Variants in ST3GAL3 observed in about 807,000 individuals in gnomAD.
The protein encoded by ST3GAL3 is CMP-N-acetylneuraminate-beta-1,4-galactoside alpha-2,3-sialyltransferase.
In ST3GAL3, 21 loss-of-function variants were observed where a neutral mutation model predicts 50.1. The ratio of observed to expected loss-of-function variants is 0.42; its 90% CI spans 0.30 to 0.60. The LOEUF is 0.60. Among genes scored for constraint, ST3GAL3 ranks in the 20% least tolerant of loss-of-function variants. ST3GAL3 has a pLI of 0.19. For synonymous variants in ST3GAL3, 183 were observed against 190.0 expected (o/e 0.96, Z 0.30); for missense variants, 353 against 489.4 (o/e 0.72, Z 2.63).
intron 9 of ST3GAL3, among the ~76,000 whole-genome samples, chr1:43,905,689 T>C (rs866865046): frequency 1.0e-3 from 11 of 10,736 alleles, no homozygotes; most frequent in East Asian, 4.6e-3. Context: ...TCCCCCTCCT[T>C]CTGCCCCCCT....
chr1:43,711,636 G>A (rs1664827195), intron 1 of ST3GAL3, among the ~76,000 whole-genome samples: 1 of 152,206 alleles, frequency 6.6e-6, no homozygotes, highest in South Asian at 2.1e-4. Flanking sequence ...GGTAATGGTA[G>A]ATTCAGAGTC....
At chr1:43,722,342 G>A (rs1484653417) in intron 1 of ST3GAL3, among the ~76,000 whole-genome samples, 1 of 152,184 alleles carries the variant, frequency 6.6e-6, no homozygotes, top group Non-Finnish European at 1.5e-5. Context: ...GAAGCTCCAT[G>A]TTGCAGGCTC....
chr1:43,782,758 G>T (rs138657233), intron 2 of ST3GAL3, among the ~76,000 whole-genome samples: 179 of 152,172 alleles, frequency 1.2e-3, no homozygotes, highest in African/African-American at 4.2e-3. Flanking sequence ...CTTATGAGGT[G>T]GGTTCTATTA....
At chr1:43,805,874 T>A (rs1328059696) in intron 3 of ST3GAL3, among the ~76,000 whole-genome samples, 1 of 152,168 alleles carries the variant, frequency 6.6e-6, no homozygotes, top group African/African-American at 2.4e-5. Flanking sequence ...TAGCTGGGAT[T>A]ACAGGCACGC....
intron 3 of ST3GAL3, among the ~76,000 whole-genome samples, chr1:43,795,949 C>A (rs1317265024): frequency 6.6e-6 from 1 of 152,178 alleles, no homozygotes; most frequent in Non-Finnish European, 1.5e-5. Flanking sequence ...CACCAAGGCA[C>A]AAACAGCTTC....
chr1:43,894,202 C>A, intron 5 of ST3GAL3, 181 bp from the exon 6 acceptor site: 1 of 673,142 alleles, frequency 1.5e-6, no homozygotes, highest in Non-Finnish European at 2.7e-6. Flanking sequence ...TCAGGCTCCA[C>A]TGAACAAGAT....
intron 2 of ST3GAL3, among the ~76,000 whole-genome samples, chr1:43,780,739 T>C (rs1460242006): frequency 1.3e-5 from 2 of 152,110 alleles, no homozygotes; most frequent in Non-Finnish European, 2.9e-5. Context: ...CCTCACCAAA[T>C]ATATTTTTTA....
intron 2 of ST3GAL3, among the ~76,000 whole-genome samples, chr1:43,761,950 C>CA (rs67747915): frequency 0.048 from 3,260 of 68,624 alleles, 208 homozygotes; most frequent in African/African-American, 0.081. Context: ...CACTCTGTCT[C>CA]AAAAAAAAAA....
intron 2 of ST3GAL3, among the ~76,000 whole-genome samples, chr1:43,777,902 A>G (rs1320485987): frequency 1.3e-5 from 2 of 152,218 alleles, no homozygotes; most frequent in Non-Finnish European, 2.9e-5. Flanking sequence ...CAGAAATACC[A>G]TTTGACCCAG....
At chr1:43,761,975 A>G (rs1690617558) in intron 2 of ST3GAL3, among the ~76,000 whole-genome samples, 1 of 124,092 alleles carries the variant, frequency 8.1e-6, no homozygotes, top group Non-Finnish European at 1.8e-5. Flanking sequence ...AAAAAAAAAA[A>G]AAAATTCAGG....
intron 4 of ST3GAL3, among the ~76,000 whole-genome samples, chr1:43,834,079 T>C (rs2154194188): frequency 6.6e-6 from 1 of 152,258 alleles, no homozygotes. Flanking sequence ...GAGAATCACT[T>C]GGACCTCGGA....
At chr1:43,820,396 A>G (rs2061945934) in intron 4 of ST3GAL3, among the ~76,000 whole-genome samples, 1 of 152,226 alleles carries the variant, frequency 6.6e-6, no homozygotes, top group Middle Eastern at 3.2e-3. Flanking sequence ...GGCTTTGGCA[A>G]AGAATTTATG....
chr1:43,776,742 T>A (rs879770104), intron 2 of ST3GAL3, among the ~76,000 whole-genome samples: 1 of 152,214 alleles, frequency 6.6e-6, no homozygotes, highest in Non-Finnish European at 1.5e-5. Flanking sequence ...TTAATACTTA[T>A]AATGATCAAC....
At position 43,920,768 on chromosome 1, in the gene ST3GAL3, C is replaced by T; in HGVS notation, c.892-14C>T. 1 of 1,614,174 alleles carries T rather than the reference C, an allele frequency of 6.2e-7. No individual in the cohort carries two copies. The highest frequency in any genetic ancestry group is 8.5e-7 in the Non-Finnish European group (1 of 1,180,026). On this transcript the variant is annotated splice_polypyrimidine_tract_variant and intron_variant, in intron 10 of 11. Transcript: ENST00000347631. ...CTCTGCATGCCTTCTCTCACCCCTG[C>T]CCCCGTCTTCTAGAACATCCCTACC...
At chr1:43,770,139 A>C (rs1025378807) in intron 2 of ST3GAL3, among the ~76,000 whole-genome samples, 1 of 151,968 alleles carries the variant, frequency 6.6e-6, no homozygotes, top group Non-Finnish European at 1.5e-5. Context: ...TGGTTCAAGG[A>C]ATCAAGCAGA....
At chr1:43,717,551 T>G (rs1160476077) in intron 1 of ST3GAL3, among the ~76,000 whole-genome samples, 2 of 151,022 alleles carry the variant, frequency 1.3e-5, no homozygotes, top group Non-Finnish European at 2.9e-5. Flanking sequence ...TAGGCTGGAG[T>G]GCAGGGGTGC....
chr1:43,768,089 A>G (rs1693780279), intron 2 of ST3GAL3, among the ~76,000 whole-genome samples: 1 of 152,208 alleles, frequency 6.6e-6, no homozygotes, highest in Non-Finnish European at 1.5e-5. Flanking sequence ...TTGTTCTTTC[A>G]AAAGATTAAC....
rs1364368112 is a variant in ST3GAL3, at chr1:43,793,018, C to T, written c.166+869C>T. Among the ~76,000 whole-genome samples, 4 of 152,038 alleles carry T rather than the reference C, an allele frequency of 2.6e-5. No homozygotes were observed. The East Asian group carries it at 7.7e-4, about 29-fold the overall frequency. On this transcript the variant is annotated intron_variant, in intron 3 of 11. Transcript: ENST00000347631. Reference sequence around the variant, plus strand: ...AGGGCAGTTAATTCATTTTGCCGTCCTTAGATATGGTAGATTGATGATTCA... The same window carrying T: ...AGGGCAGTTAATTCATTTTGCCGTCTTTAGATATGGTAGATTGATGATTCA...
chr1:43,857,531 T>TTCCCTCCCTCCCTCCC (rs1270403984), intron 5 of ST3GAL3, among the ~76,000 whole-genome samples: 2 of 118,122 alleles, frequency 1.7e-5, no homozygotes, highest in Non-Finnish European at 3.6e-5. Context: ...TCCCTCCTCC[T>TTCCCTCCCTCCCTCCC]TCCCTCCCTC....
Sources: gnomAD v4.1 joint callset for allele counts (sites outside exome capture counted in the v4.1 genomes callset) on GRCh38, gnomAD v4.1.1 for gene constraint, MANE v1.5 for transcripts, NCBI Gene and HGNC (gene_info 2026-07-23, HGNC 2026-07-21) for gene names.